Variants in COL5A1 observed in about 807,000 individuals in gnomAD.
COL5A1 encodes collagen type V alpha 1 chain.
COL5A1 carries 16 observed loss-of-function variants against 263.7 expected under a neutral mutation model. The observed-to-expected ratio is 0.06, with a 90% CI of 0.04 to 0.09. The LOEUF is 0.09. Ranked by LOEUF, COL5A1 falls within the 10% of genes least tolerant of loss-of-function variation. The probability of loss-of-function intolerance (pLI) is 1.00; values close to 1 mark genes in which losing one functional copy is unlikely to be tolerated. For missense variants in COL5A1, 2,036 were observed against 2,540.5 expected, an observed-to-expected ratio of 0.80 and a Z score of 4.27; for synonymous variants, 1,012 against 1,004.5, an observed-to-expected ratio of 1.01 and a Z score of -0.14.
chr9:134,683,047 A>C (rs1832908180), intron 1 of COL5A1, among the ~76,000 whole-genome samples: 1 of 152,314 alleles, frequency 6.6e-6, no homozygotes, highest in Non-Finnish European at 1.5e-5. Context: ...CTTCCTGGGC[A>C]GGGGAGGCAC....
At chr9:134,837,865 G>T (rs925115401) in intron 65 of COL5A1, among the ~76,000 whole-genome samples, 1 of 152,088 alleles carries the variant, frequency 6.6e-6, no homozygotes, top group South Asian at 2.1e-4. Context: ...AGAGAGTTAC[G>T]GCGACTCGCC....
chr9:134,729,473 G>GT (rs1450447811), intron 6 of COL5A1, among the ~76,000 whole-genome samples: 28 of 151,712 alleles, frequency 1.8e-4, no homozygotes, highest in East Asian at 3.9e-4. Flanking sequence ...GTGAGCATGT[G>GT]GCATGCAGGC....
At chr9:134,719,588 A>G (rs1224813675) in intron 4 of COL5A1, among the ~76,000 whole-genome samples, 1 of 152,228 alleles carries the variant, frequency 6.6e-6, no homozygotes, top group Non-Finnish European at 1.5e-5. Flanking sequence ...AAACAGCACG[A>G]AGAGGACAGC....
At chr9:134,672,975 T>G (rs533826470) in intron 1 of COL5A1, among the ~76,000 whole-genome samples, 1 of 152,330 alleles carries the variant, frequency 6.6e-6, no homozygotes, top group South Asian at 2.1e-4. Flanking sequence ...ACTTATTCAC[T>G]GATGATTACA....
Position 134,729,001 on chromosome 9 carries a change from A to C in COL5A1, c.924+194A>C, listed in dbSNP as rs3128597. ...TCACGGGGCGTATCGGGCTTTCCGC[A>C]GTGAGGAGGACGTTGGGAGATGCCA... On this transcript the variant is annotated intron_variant, in intron 6 of 65. Transcript: ENST00000371817. Among the ~76,000 whole-genome samples, 107,803 of 152,162 alleles carry C rather than the reference A, an allele frequency of 0.71. 38,645 individuals carry two copies. The highest frequency in any genetic ancestry group is 0.91 in the East Asian group (4,698 of 5,158).
Position 134,765,423 on chromosome 9 carries a change from T to G in COL5A1, c.2035-258T>G, listed in dbSNP as rs1836625856. ...GTCAGCTTGAAAGCCCCCCTTTCCC[T>G]GAGGGTGCCCTGTGGTGTCCTCTCT... On this transcript the variant is annotated intron_variant, in intron 20 of 65. Transcript: ENST00000371817. This position sits in a 1 kb window ranked among gnomAD's most constrained non-coding sequence, Gnocchi z 5.1. Among the ~76,000 whole-genome samples the G allele has an allele frequency of 6.6e-6, 1 of 152,100 alleles. No individual in the cohort carries two copies. The highest frequency in any genetic ancestry group is 2.4e-5 in the African/African-American group (1 of 41,424).
At position 134,647,720 on chromosome 9, in the gene COL5A1, T is replaced by C. The variant is rs1831522073; in HGVS notation, c.109+5424T>C. Among the ~76,000 whole-genome samples, 1 of 152,072 alleles carries C rather than the reference T, an allele frequency of 6.6e-6. No individual in the cohort carries two copies. Among genetic ancestry groups the C allele is most frequent in the African/African-American group, 2.4e-5 (1 of 41,380 alleles). ...AGCCGGGTCCAGCTGGATCCGACAA[T>C]TTCATGTCTTTTTAAACTCCCGGGA... On this transcript the variant is annotated intron_variant, in intron 1 of 65. Coordinates refer to ENST00000371817, the MANE Select transcript of COL5A1 (RefSeq NM_000093.5). The surrounding 1 kb of genome is among the most constrained non-coding windows in gnomAD (Gnocchi z 5.0).
chr9:134,780,073 C>T (rs1229401548), intron 27 of COL5A1, 29 bp from the exon 28 acceptor site: 5 of 1,613,084 alleles, frequency 3.1e-6, no homozygotes, highest in Non-Finnish European at 4.2e-6. Context: ...TGTAACCATT[C>T]ACTCCTTTTT....
chr9:134,661,491 T>C (rs1364672563), intron 1 of COL5A1, among the ~76,000 whole-genome samples: 1 of 151,836 alleles, frequency 6.6e-6, no homozygotes, highest in East Asian at 1.9e-4. Context: ...TGACTTTCAC[T>C]CCACCCACCA....
At chr9:134,802,843 C>G (rs1364470868) in intron 38 of COL5A1, 45 bp from the exon 39 acceptor site, 1 of 1,400,952 alleles carries the variant, frequency 7.1e-7, no homozygotes, top group South Asian at 1.2e-5. Context: ...CACTCCCTTG[C>G]AAGTCACTCG....
At position 134,802,937 on chromosome 9, in the gene COL5A1, C is replaced by T; in HGVS notation, c.3056C>T (p.Pro1019Leu). 1 of 1,611,370 alleles carries T rather than the reference C, an allele frequency of 6.2e-7. No homozygotes were observed. The highest frequency in any genetic ancestry group is 8.5e-7 in the Non-Finnish European group (1 of 1,179,398). Residue 1019 changes from proline (P) to leucine (L), a missense_variant, in exon 39 of 66, where the codon CCC (proline) becomes CTC (leucine). Transcript: ENST00000371817. ...GPMGERGHPGPPGPPGEQGLP... is the reference protein window; with the variant it reads ...GPMGERGHPGLPGPPGEQGLP... ...ATGGGTGAGCGTGGCCACCCTGGGC[C>T]CCCTGGACCCCCCGGTGAACAGGGG...
In COL5A1 at chr9:134,794,135, T is replaced by G. The variant is rs888988875; in HGVS notation, c.2701-947T>G. ...GAGGTCAAGAGATCGAGACCATCCTTGCCAACATGGTGAAACCCTGTCTCT... is the reference window on the plus strand; with the variant it reads ...GAGGTCAAGAGATCGAGACCATCCTGGCCAACATGGTGAAACCCTGTCTCT... On this transcript the variant is annotated intron_variant, in intron 32 of 65. Coordinates refer to ENST00000371817, the MANE Select transcript of COL5A1 (RefSeq NM_000093.5). This position sits in a 1 kb window ranked among gnomAD's most constrained non-coding sequence, Gnocchi z 4.3. Among the ~76,000 whole-genome samples, 1 of 152,022 alleles carries G rather than the reference T, an allele frequency of 6.6e-6. No homozygotes were observed. The highest frequency in any genetic ancestry group is 6.5e-5 in the Admixed American group (1 of 15,270).
At chr9:134,787,692 AAC>A (rs1375813787) in intron 31 of COL5A1, among the ~76,000 whole-genome samples, 2 of 152,206 alleles carry the variant, frequency 1.3e-5, no homozygotes, top group African/African-American at 2.4e-5. Flanking sequence ...ATTCATTCCC[AAC>A]TCTGCAAGCT....
At chr9:134,764,429 C>CA (rs1836585998) in intron 20 of COL5A1, among the ~76,000 whole-genome samples, 1 of 151,684 alleles carries the variant, frequency 6.6e-6, no homozygotes, top group South Asian at 2.1e-4. Flanking sequence ...GGGGGTCACA[C>CA]ACCTGAATCA....
chr9:134,779,863 G>T (rs1837187436), intron 27 of COL5A1, among the ~76,000 whole-genome samples: 1 of 152,188 alleles, frequency 6.6e-6, no homozygotes, highest in Non-Finnish European at 1.5e-5. Flanking sequence ...TGGAAGGTGG[G>T]GGATGGGTTT....
At chr9:134,723,681 C>T (rs1834546157) in intron 4 of COL5A1, among the ~76,000 whole-genome samples, 1 of 152,184 alleles carries the variant, frequency 6.6e-6, no homozygotes, top group African/African-American at 2.4e-5. Flanking sequence ...TGAACCCTGG[C>T]TGCACCCTTC....
chr9:134,719,364 A>G (rs1160624271), intron 4 of COL5A1, among the ~76,000 whole-genome samples: 1 of 152,256 alleles, frequency 6.6e-6, no homozygotes, highest in Non-Finnish European at 1.5e-5. Flanking sequence ...CACAGTACAC[A>G]TATGGCCTCC....
chr9:134,730,386 G>C lies in COL5A1; in HGVS notation c.1075G>C (p.Glu359Gln), dbSNP rs769752636. The change falls in exon 7 of 66, where the codon GAG (glutamate) becomes CAG (glutamine). Residue 359 changes from glutamate to glutamine, a missense_variant. This residue lies in a region of COL5A1 where 600 missense variants were observed against 634.5 expected (regional missense o/e 0.95). Transcript: ENST00000371817. The part of the protein sequence containing the change: ...PSPYDDLTYG[E>Q]GEENPDQPTD... ...ACCGTATGATGACCTCACCTATGGC[G>C]AGGGGGAGGAGAACCCCGACCAGCC... 1.2e-6 allele frequency: 2 copies of C among 1,614,084 alleles called. No homozygotes were observed. Among genetic ancestry groups the C allele is most frequent in the Non-Finnish European group, 1.7e-6 (2 of 1,180,044 alleles).
chr9:134,651,732 G>A (rs933442152), intron 1 of COL5A1, among the ~76,000 whole-genome samples: 2 of 152,216 alleles, frequency 1.3e-5, no homozygotes, highest in African/African-American at 4.8e-5. Context: ...GTGGGTGCAG[G>A]TGCGATGACA....
Sources: gnomAD v4.1 joint callset for allele counts (sites outside exome capture counted in the v4.1 genomes callset) on GRCh38, gnomAD v4.1.1 for gene constraint, gnomAD v4.1.1 regional missense constraint, Gnocchi (gnomAD v3.1) non-coding constraint, MANE v1.5 for transcripts, NCBI Gene and HGNC (gene_info 2026-07-23, HGNC 2026-07-21) for gene names.